The following GPR39 variants were observed in gnomAD, a reference collection of about 807,000 sequenced individuals.
GPR39 encodes zinc sensing receptor.
Under a neutral mutation model 18.4 loss-of-function variants are expected in GPR39, and 23 were observed. The observed-to-expected ratio is 1.25, with a 90% confidence interval of 0.90 to 1.77. The LOEUF is 1.77. Ranked by LOEUF, GPR39 falls within the 40% of genes most tolerant of loss-of-function variation. The pLI is 0.00. For missense variants in GPR39, 647 were observed against 602.4 expected, an observed-to-expected ratio of 1.07 and a Z score of -0.78; for synonymous variants, 280 against 257.9, an observed-to-expected ratio of 1.09 and a Z score of -0.82.
intron 1 of GPR39, among the ~76,000 whole-genome samples, chr2:132,570,035 T>G (rs182896870): frequency 6.6e-6 from 1 of 152,282 alleles, no homozygotes; most frequent in East Asian, 1.9e-4. Context: ...AAACCGACCT[T>G]GTGCCTGGAA....
At chr2:132,453,628 C>G (rs747318450) in intron 1 of GPR39, among the ~76,000 whole-genome samples, 5 of 152,180 alleles carry the variant, frequency 3.3e-5, no homozygotes, top group Non-Finnish European at 4.4e-5. Flanking sequence ...ACATTTAAGT[C>G]TTTAATCCAT....
At chr2:132,445,660 A>G (rs1021810191) in intron 1 of GPR39, among the ~76,000 whole-genome samples, 5 of 123,944 alleles carry the variant, frequency 4.0e-5, no homozygotes, top group East Asian at 1.9e-4. Flanking sequence ...CTTCGCTTCT[A>G]TGACAAATTG....
At chr2:132,554,626 CT>C (rs1362669404) in intron 1 of GPR39, among the ~76,000 whole-genome samples, 7 of 152,180 alleles carry the variant, frequency 4.6e-5, no homozygotes, top group African/African-American at 1.7e-4. Flanking sequence ...GCAACAAGCA[CT>C]TCCTATTCAC....
chr2:132,481,444 T>C (rs1298834085), intron 1 of GPR39, among the ~76,000 whole-genome samples: 1 of 152,216 alleles, frequency 6.6e-6, no homozygotes, highest in African/African-American at 2.4e-5. Context: ...TTTTAGTGTT[T>C]GCTATACCAG....
chr2:132,423,803 G>A (rs141766213), intron 1 of GPR39, among the ~76,000 whole-genome samples: 20 of 152,270 alleles, frequency 1.3e-4, no homozygotes, highest in Middle Eastern at 3.4e-3. Flanking sequence ...CTTGTGGATA[G>A]GTGCATGCCC....
Position 132,646,110 on chromosome 2 carries a change from G to GGGCCGAGGCAGAACTTCCCCTTTTC in GPR39, c.*505_*529dup. The GGGCCGAGGCAGAACTTCCCCTTTTC allele has an allele frequency of 1.2e-6, 2 of 1,608,386 alleles. No individual in the cohort carries two copies. The highest frequency in any genetic ancestry group is 1.7e-6 in the Non-Finnish European group (2 of 1,176,928). On this transcript the variant is annotated 3_prime_UTR_variant, in exon 2 of 2. Coordinates refer to ENST00000329321, the MANE Select transcript of GPR39 (RefSeq NM_001508.3). ...ATGGTGGTGCGGAGCCCTGGCCTGA[G>GGGCCGAGGCAGAACTTCCCCTTTTC]GGCCGAGGCAGAACTTCCCCTTTTC... is the stretch of plus-strand genomic sequence containing the variant.
chr2:132,567,390 C>T (rs557874065), intron 1 of GPR39, among the ~76,000 whole-genome samples: 25 of 152,294 alleles, frequency 1.6e-4, no homozygotes, highest in African/African-American at 5.5e-4. Flanking sequence ...GATTAATCCA[C>T]TCATGGATGA....
In GPR39 at chr2:132,417,162, C is replaced by G. The variant is rs1008972096; in HGVS notation, c.120C>G (p.Ile40Met). 3.7e-6 allele frequency: 6 copies of G among 1,614,074 alleles called. No homozygotes were observed. Among genetic ancestry groups the G allele is most frequent in the Non-Finnish European group, 5.1e-6 (6 of 1,180,044 alleles). ...CCCTTATTCTGGTGTACCTGATCATCTTCGTGATGGGCCTTCTGGGGAACA... is the reference window on the plus strand; with the variant it reads ...CCCTTATTCTGGTGTACCTGATCATGTTCGTGATGGGCCTTCTGGGGAACA... ...KITLILVYLI[I>M]FVMGLLGNSA... Residue 40 changes from isoleucine (I) to methionine (M), a missense_variant, in exon 1 of 2, where the codon ATC (isoleucine) becomes ATG (methionine). Ile to Met is a conservative substitution (Grantham distance 10). Coordinates refer to ENST00000329321, the MANE Select transcript of GPR39 (RefSeq NM_001508.3).
chr2:132,594,398 T>A (rs1246982816), intron 1 of GPR39, among the ~76,000 whole-genome samples: 2 of 152,190 alleles, frequency 1.3e-5, no homozygotes, highest in African/African-American at 4.8e-5. Context: ...GCCTCCTCAA[T>A]AGATAGTAAA....
At chr2:132,539,409 T>A (rs1679821419) in intron 1 of GPR39, among the ~76,000 whole-genome samples, 1 of 152,070 alleles carries the variant, frequency 6.6e-6, no homozygotes, top group Admixed American at 6.5e-5. Context: ...ATGAAATGGG[T>A]ACCTTAGTTC....
intron 1 of GPR39, among the ~76,000 whole-genome samples, chr2:132,420,282 T>C (rs1423718764): frequency 2.0e-5 from 3 of 152,224 alleles, no homozygotes; most frequent in African/African-American, 7.2e-5. Context: ...TTCTCGCAAA[T>C]GTCCTCCTCT....
intron 1 of GPR39, among the ~76,000 whole-genome samples, chr2:132,470,785 T>C (rs1681016858): frequency 6.7e-6 from 1 of 149,752 alleles, no homozygotes; most frequent in African/African-American, 2.5e-5. Context: ...CGGGGGAGGG[T>C]GTCAGCTGCA....
intron 1 of GPR39, among the ~76,000 whole-genome samples, chr2:132,514,043 G>T (rs1679286203): frequency 6.6e-6 from 1 of 152,188 alleles, no homozygotes; most frequent in Admixed American, 6.5e-5. Context: ...GGCCTCTGGG[G>T]ATGCCCTGAT....
chr2:132,456,683 A>G (rs112362234), intron 1 of GPR39, among the ~76,000 whole-genome samples: 3 of 152,290 alleles, frequency 2.0e-5, no homozygotes, highest in African/African-American at 7.2e-5. Context: ...TGTGGTGACA[A>G]CATCTCTCAG....
chr2:132,610,768 C>G (rs906136353), intron 1 of GPR39, among the ~76,000 whole-genome samples: 1 of 113,058 alleles, frequency 8.8e-6, no homozygotes, highest in African/African-American at 3.9e-5. Flanking sequence ...CAGAGCGAGA[C>G]TCTGTCTCCA....
At chr2:132,475,652 G>T (rs1357044683) in intron 1 of GPR39, among the ~76,000 whole-genome samples, 2 of 152,024 alleles carry the variant, frequency 1.3e-5, no homozygotes, top group African/African-American at 4.8e-5. Flanking sequence ...GGTCGAGGCT[G>T]CACATTTGAC....
chr2:132,620,941 A>G (rs1681429989), intron 1 of GPR39, among the ~76,000 whole-genome samples: 1 of 152,010 alleles, frequency 6.6e-6, no homozygotes, highest in Admixed American at 6.6e-5. Flanking sequence ...TTTAGTAAAG[A>G]CGGGGTTTCA....
At chr2:132,507,945 C>G (rs919605513) in intron 1 of GPR39, among the ~76,000 whole-genome samples, 1 of 152,126 alleles carries the variant, frequency 6.6e-6, no homozygotes, top group African/African-American at 2.4e-5. Flanking sequence ...TGTTCACAGT[C>G]TTTATTGTGA....
intron 1 of GPR39, among the ~76,000 whole-genome samples, chr2:132,432,234 TG>T (rs994759838): frequency 6.6e-6 from 1 of 152,224 alleles, no homozygotes; most frequent in Non-Finnish European, 1.5e-5. Context: ...TGTCTGGTGA[TG>T]GCCTGCTTTC....
Sources: allele counts gnomAD v4.1 joint callset (sites outside exome capture counted in the v4.1 genomes callset), GRCh38; gene constraint gnomAD v4.1.1; transcripts MANE v1.5; gene names NCBI Gene and HGNC (gene_info 2026-07-23, HGNC 2026-07-21).